RGS4: variants seen among roughly 807,000 people sequenced by gnomAD.
RGS4 encodes the protein schizophrenia disorder 9.
Under a neutral mutation model 21.6 loss-of-function variants are expected in RGS4, and 15 were observed. That is an observed-to-expected ratio of 0.69 (90% CI 0.46 to 1.07). RGS4 has a LOEUF of 1.07. Ranked by LOEUF, RGS4 falls within the 50% of genes least tolerant of loss-of-function variation. RGS4 has a pLI of 0.00. For missense variants in RGS4, 237 were observed against 239.0 expected, an observed-to-expected ratio of 0.99 and a Z score of 0.06; for synonymous variants, 94 against 85.5, an observed-to-expected ratio of 1.10 and a Z score of -0.55.
chr1:163,069,654 T>A, intron 1 of RGS4, 126 bp downstream of exon 1: 3 of 757,222 alleles, frequency 4.0e-6, no homozygotes, highest in Non-Finnish European at 6.3e-6. Context: ...AGCACGACTT[T>A]CTAACTTTCC....
chr1:163,072,586 G>C, intron 2 of RGS4, 87 bp downstream of exon 2: 1 of 1,055,674 alleles, frequency 9.5e-7, no homozygotes, highest in Non-Finnish European at 1.4e-6. Context: ...TGTGCTCCTA[G>C]TTAAGCCAGA....
chr1:163,075,096 T>C lies in RGS4; in HGVS notation c.*536T>C. ...GTGTATACATATGTATGTGTGAGTG[T>C]ATGTATACACACACACACACACACA... On this transcript the variant is annotated 3_prime_UTR_variant, in exon 5 of 5. Coordinates refer to ENST00000367909, the MANE Select transcript of RGS4 (RefSeq NM_005613.6). 1 of 77,378 alleles carries C rather than the reference T, an allele frequency of 1.3e-5. No homozygotes were observed. 4.8% of individuals were successfully genotyped at this position (77,378 alleles called of 1,614,324 possible). A position where few individuals can be genotyped will look rare whatever the true frequency, so the allele number is the denominator to read the frequency against.
rs1003068809 is a variant in RGS4, at chr1:163,074,731, G to A, written c.*171G>A. 16 of 972,244 alleles carry A rather than the reference G, an allele frequency of 1.6e-5. No individual in the cohort carries two copies. The Admixed American group carries it at 2.0e-4, about 12-fold the overall frequency. The allele number at this position is 972,244 out of a possible 1,614,324, so 60.2% of individuals were successfully genotyped here. A position where few individuals can be genotyped will look rare whatever the true frequency, so the allele number is the denominator to read the frequency against. On this transcript the variant is annotated 3_prime_UTR_variant, in exon 5 of 5. Transcript: ENST00000367909. ...ACGCATAAACTAGATATAGCTTTTG[G>A]TGTTTGAGTGTTCATCAGGGTGGGA...
chr1:163,071,449 C>T (rs1655296448), intron 1 of RGS4, among the ~76,000 whole-genome samples: 1 of 151,962 alleles, frequency 6.6e-6, no homozygotes, highest in African/African-American at 2.4e-5. Context: ...TAAACTATTT[C>T]TTGACTTTTT....
chr1:163,074,028 T>A, intron 4 of RGS4: 1 of 428,874 alleles, frequency 2.3e-6, no homozygotes, highest in Non-Finnish European at 4.1e-6. Context: ...TTTTAAAAAA[T>A]CTCTTTTATC....
chr1:163,075,083 G>A lies in RGS4; in HGVS notation c.*523G>A. On this transcript the variant is annotated 3_prime_UTR_variant, in exon 5 of 5. Coordinates refer to ENST00000367909, the MANE Select transcript of RGS4 (RefSeq NM_005613.6). ...TATATAGATGTCTGTGTATACATAT[G>A]TATGTGTGAGTGTATGTATACACAC... 1 of 154,474 alleles carries A rather than the reference G, an allele frequency of 6.5e-6. No individual in the cohort carries two copies. The highest frequency in any genetic ancestry group is 1.2e-5 in the Non-Finnish European group (1 of 81,626). The allele number at this position is 154,474 out of a possible 1,614,324, so 9.6% of individuals were successfully genotyped here. A position where few individuals can be genotyped will look rare whatever the true frequency, so the allele number is the denominator to read the frequency against.
intron 1 of RGS4, among the ~76,000 whole-genome samples, chr1:163,069,732 T>C (rs562929595): frequency 6.6e-6 from 1 of 152,294 alleles, no homozygotes; most frequent in Admixed American, 6.5e-5. Flanking sequence ...ATGTGTTGTT[T>C]TGTGTGACCT....
chr1:163,075,515 G>A lies in RGS4; in HGVS notation c.*955G>A, dbSNP rs956456563. 2.0e-5 allele frequency: 3 copies of A among 152,148 alleles called. No homozygotes were observed. Among genetic ancestry groups the A allele is most frequent in the Admixed American group, 6.6e-5 (1 of 15,244 alleles). 9.4% of individuals were successfully genotyped at this position (152,148 alleles called of 1,614,324 possible). ...TGCTTATTAGCAGCTGGGTTGGTAT[G>A]GAGTTGGCAGACAGGATGTTCAACT... On this transcript the variant is annotated 3_prime_UTR_variant, in exon 5 of 5. Transcript: ENST00000367909.
intron 1 of RGS4, chr1:163,072,052 CAT>C (rs1655334599): frequency 2.0e-6 from 2 of 1,014,126 alleles, no homozygotes; most frequent in Non-Finnish European, 2.4e-6. Context: ...AGAGATCACT[CAT>C]GTGTTCAGTG....
upstream of RGS4, chr1:163,069,220 T>C (rs1026963586): frequency 6.8e-5 from 105 of 1,533,690 alleles, no homozygotes; most frequent in Non-Finnish European, 9.0e-5. Flanking sequence ...ACATTGCTGA[T>C]GCGTCAGTCT....
chr1:163,068,906 T>C (rs1438994115), upstream of RGS4: 1 of 1,488,964 alleles, frequency 6.7e-7, no homozygotes. Flanking sequence ...AGCTCCCTTT[T>C]GGAAATCGTG....
intron 1 of RGS4, 51 bp from the exon 2 acceptor site, chr1:163,072,344 T>C (rs1278264603): frequency 2.9e-6 from 4 of 1,380,968 alleles, no homozygotes; most frequent in Non-Finnish European, 4.1e-6. Flanking sequence ...TAGGTATCTT[T>C]TAAAGAAAGC....
chr1:163,074,553 G>GTGCCT lies in RGS4; in HGVS notation c.612_616dup (p.Ter206LeufsTer11), dbSNP rs750696818. 6.2e-7 allele frequency: 1 copy of GTGCCT among 1,613,896 alleles called. No homozygotes were observed. Among genetic ancestry groups the GTGCCT allele is most frequent in the South Asian group, 1.1e-5 (1 of 91,080 alleles). Reference sequence around the variant, plus strand: ...GACTGTGCTTCCCTGGTCCCTCAGTGTGCCTAATTCTCACCTGAAGGCAGA... The same window carrying GTGCCT: ...GACTGTGCTTCCCTGGTCCCTCAGTGTGCCTTGCCTAATTCTCACCTGAAGGCAGA... On this transcript the variant is annotated frameshift_variant, in exon 5 of 5. Transcript: ENST00000367909. LOFTEE classifies it high-confidence loss of function.
At chr1:163,069,607 C>T (rs1655238789) in intron 1 of RGS4, 79 bp downstream of exon 1, 1 of 1,189,584 alleles carries the variant, frequency 8.4e-7, no homozygotes, top group Non-Finnish European at 1.2e-6. Flanking sequence ...TACTTACTAA[C>T]CTAGTTCTGT....
upstream of RGS4, chr1:163,069,121 T>G: frequency 6.6e-7 from 1 of 1,505,552 alleles, no homozygotes; most frequent in East Asian, 2.5e-5. Context: ...TTTCTAGAAA[T>G]TCTAAACCTC....
intron 3 of RGS4, 55 bp downstream of exon 3, chr1:163,072,921 T>A: frequency 6.9e-7 from 1 of 1,457,440 alleles, no homozygotes; most frequent in South Asian, 1.2e-5. Context: ...AGTTATATTA[T>A]GCTGGTCTAA....
intron 1 of RGS4, chr1:163,072,097 C>T: frequency 2.8e-6 from 3 of 1,082,478 alleles, no homozygotes; most frequent in Middle Eastern, 4.1e-4. Context: ...CAAAGATATT[C>T]GGTTGGTCAA....
At chr1:163,069,197 G>T, upstream of RGS4, 3 of 1,516,980 alleles carry the variant, frequency 2.0e-6, no homozygotes, top group Non-Finnish European at 2.6e-6. Context: ...GATTTTCTCT[G>T]CTCGTTCACT....
intron 4 of RGS4, 22 bp from the exon 5 acceptor site, chr1:163,074,299 A>G (rs781776916): frequency 6.2e-7 from 1 of 1,613,086 alleles, no homozygotes; most frequent in South Asian, 1.1e-5. Flanking sequence ...GGTCTAATGA[A>G]GCCTTGGCCT....
Sources: gnomAD v4.1 joint callset for allele counts (sites outside exome capture counted in the v4.1 genomes callset) on GRCh38, gnomAD v4.1.1 for gene constraint, MANE v1.5 for transcripts, NCBI Gene and HGNC (gene_info 2026-07-23, HGNC 2026-07-21) for gene names.